TEX9: variants seen among roughly 807,000 people sequenced by gnomAD.
TEX9 encodes the protein testis-expressed protein 9.
TEX9 carries 74 observed loss-of-function variants against 59.6 expected under a neutral mutation model. The ratio of observed to expected loss-of-function variants is 1.24; its 90% confidence interval spans 1.03 to 1.51. The LOEUF is 1.51. TEX9 is among the 40% of genes most tolerant of loss of function. The pLI is 0.00. For synonymous variants in TEX9, 186 were observed against 152.2 expected (o/e 1.22, Z -1.64); for missense variants, 522 against 447.8 (o/e 1.17, Z -1.49).
chr15:56,306,257 CAA>C (rs55882329), intron 1 of TEX9, among the ~76,000 whole-genome samples: 141 of 79,428 alleles, frequency 1.8e-3, no homozygotes, highest in Admixed American at 5.8e-3. Flanking sequence ...AGGTACATAG[CAA>C]AAAAAAAAAA....
intron 12 of TEX9, among the ~76,000 whole-genome samples, chr15:56,436,830 C>T (rs564280654): frequency 3.1e-4 from 47 of 152,208 alleles, no homozygotes; most frequent in Middle Eastern, 3.4e-3. Context: ...AACACCTCTA[C>T]GCAAATAAAC....
At chr15:56,455,589 G>A in the TEX9 span, among the ~76,000 whole-genome samples, 1 of 152,128 alleles carries the variant, frequency 6.6e-6, no homozygotes, top group Non-Finnish European at 1.5e-5. Context: ...ATAAGTATAT[G>A]ATTAGCATTT....
At chr15:56,374,008 A>G (rs1266547651) in intron 3 of TEX9, 1 of 152,052 alleles carries the variant, frequency 6.6e-6, no homozygotes, top group African/African-American at 2.4e-5. Flanking sequence ...TTCAAGTAAT[A>G]TATTTTGATA....
intron 7 of TEX9, among the ~76,000 whole-genome samples, chr15:56,393,374 T>C (rs1003012284): frequency 3.3e-5 from 5 of 152,104 alleles, no homozygotes; most frequent in African/African-American, 2.4e-5. Context: ...GCTGGAAGTG[T>C]GTATGGAGAT....
intron 10 of TEX9, among the ~76,000 whole-genome samples, chr15:56,416,761 G>A (rs2049706264): frequency 6.6e-6 from 1 of 151,790 alleles, no homozygotes; most frequent in African/African-American, 2.4e-5. Context: ...CAGTTTTTTG[G>A]AATAGTTTCT....
the TEX9 span, among the ~76,000 whole-genome samples, chr15:56,452,986 G>GT: frequency 6.6e-6 from 1 of 151,958 alleles, no homozygotes; most frequent in Non-Finnish European, 1.5e-5. Flanking sequence ...TTTTACATGA[G>GT]TTTTTTGGAA....
chr15:56,301,469 A>C (rs2045359599), intron 1 of TEX9, among the ~76,000 whole-genome samples: 1 of 152,210 alleles, frequency 6.6e-6, no homozygotes, highest in Admixed American at 6.5e-5. Context: ...TTTAACCAAA[A>C]GAAGACTACC....
chr15:56,414,169 C>T (rs2049546837), intron 10 of TEX9, among the ~76,000 whole-genome samples: 1 of 151,768 alleles, frequency 6.6e-6, no homozygotes, highest in Non-Finnish European at 1.5e-5. Context: ...TATTAGTTCA[C>T]ATATTAAGAA....
intron 1 of TEX9, among the ~76,000 whole-genome samples, chr15:56,247,939 T>C (rs2141280187): frequency 6.6e-6 from 1 of 152,372 alleles, no homozygotes; most frequent in African/African-American, 2.4e-5. Context: ...TAGAGTTTAA[T>C]GACCTACATG....
chr15:56,383,268 T>C (rs1349497811), intron 3 of TEX9, among the ~76,000 whole-genome samples: 1 of 152,214 alleles, frequency 6.6e-6, no homozygotes, highest in Non-Finnish European at 1.5e-5. Flanking sequence ...ACTGCAGGAG[T>C]GAGTCAGGAA....
At chr15:56,355,810 C>G (rs1158623881) in intron 1 of TEX9, among the ~76,000 whole-genome samples, 1 of 151,956 alleles carries the variant, frequency 6.6e-6, no homozygotes, top group East Asian at 1.9e-4. Context: ...TAGATTTATA[C>G]CTAAGCATTT....
At chr15:56,293,208 G>A (rs566790128) in intron 1 of TEX9, among the ~76,000 whole-genome samples, 11 of 151,996 alleles carry the variant, frequency 7.2e-5, no homozygotes, top group South Asian at 2.1e-4. Context: ...ATAATGGCAC[G>A]CTCCTGTAGT....
the TEX9 span, among the ~76,000 whole-genome samples, chr15:56,457,725 G>C: frequency 0.058 from 8,741 of 151,716 alleles, 645 homozygotes; most frequent in East Asian, 0.37. Context: ...TGAGGTAGGA[G>C]GACCGCCGGA....
chr15:56,261,741 C>T (rs1024643589), intron 1 of TEX9, among the ~76,000 whole-genome samples: 11 of 151,874 alleles, frequency 7.2e-5, no homozygotes, highest in Non-Finnish European at 1.6e-4. Context: ...ATTAACTGTA[C>T]CAGGTCATTG....
chr15:56,269,129 C>A (rs1158373272), intron 1 of TEX9, among the ~76,000 whole-genome samples: 6 of 152,138 alleles, frequency 3.9e-5, no homozygotes, highest in African/African-American at 1.4e-4. Flanking sequence ...TTATAGTATT[C>A]TCTGATGGTA....
chr15:56,304,229 C>A (rs1374539799), intron 1 of TEX9, among the ~76,000 whole-genome samples: 1 of 152,094 alleles, frequency 6.6e-6, no homozygotes, highest in Non-Finnish European at 1.5e-5. Context: ...ATTTGGACGC[C>A]CTTTATTTCT....
At position 56,423,294 on chromosome 15, in the gene TEX9, A is replaced by G. The variant is rs549444224; in HGVS notation, c.964-4311A>G. ...TTGTAGCTTTGTTGTCATTTGCCTC[A>G]TGATATTTTCCAATTTGCTTTGTGA... On this transcript the variant is annotated intron_variant, in intron 10 of 12. Transcript: ENST00000352903. Among the ~76,000 whole-genome samples the G allele has an allele frequency of 1.1e-4, 17 of 152,256 alleles. No homozygotes were observed. The East Asian group carries it at 3.3e-3, about 29-fold the overall frequency.
intron 2 of TEX9, among the ~76,000 whole-genome samples, chr15:56,370,911 C>T (rs1477073352): frequency 6.6e-6 from 1 of 152,146 alleles, no homozygotes; most frequent in Non-Finnish European, 1.5e-5. Context: ...GCTGGAGTGG[C>T]AGTGGCACGA....
chr15:56,365,436 T>C lies in TEX9; in HGVS notation c.-15T>C, dbSNP rs754079064. The C allele has an allele frequency of 3.7e-6, 6 of 1,609,198 alleles. No individual in the cohort carries two copies. In the African/African-American group the frequency reaches 6.7e-5, roughly 18 times the overall value. ...ATGCGTCGTTGCCTCGGTAACCGCG[T>C]CGCAGTCGCCGAAGATGGCGGGGCG... On this transcript the variant is annotated 5_prime_UTR_variant, in exon 1 of 13. Transcript: ENST00000352903.
Sources: gnomAD v4.1 joint callset for allele counts (sites outside exome capture counted in the v4.1 genomes callset) on GRCh38, gnomAD v4.1.1 for gene constraint, MANE v1.5 for transcripts, NCBI Gene and HGNC (gene_info 2026-07-23, HGNC 2026-07-21) for gene names.